CDH13: variants seen among roughly 807,000 people sequenced by gnomAD.
The protein encoded by CDH13 is cadherin 13, also known as cadherin-13.
Under a neutral mutation model 63.8 loss-of-function variants are expected in CDH13, and 24 were observed. The ratio of observed to expected loss-of-function variants is 0.38; its 90% CI spans 0.27 to 0.53. The LOEUF is 0.53. CDH13 is among the 20% of genes least tolerant of loss of function. CDH13 has a pLI of 0.85. For synonymous variants in CDH13, 503 were observed against 355.3 expected (o/e 1.42, Z -4.67); for missense variants, 1,049 against 903.1 (o/e 1.16, Z -2.07).
At chr16:83,652,549 GAAAGAGACAAGGCTCTCA>G (rs1567484352) in intron 8 of CDH13, among the ~76,000 whole-genome samples, 1 of 152,130 alleles carries the variant, frequency 6.6e-6, no homozygotes, top group African/African-American at 2.4e-5. Flanking sequence ...CAAAGGTTTT[GAAAGAGACAAGGCTCTCA>G]TTGTACCCCC....
intron 13 of CDH13, among the ~76,000 whole-genome samples, chr16:83,784,360 G>A (rs950077618): frequency 5.3e-5 from 8 of 152,090 alleles, no homozygotes; most frequent in African/African-American, 1.2e-4. Context: ...GGCCAGGCAC[G>A]GTGGCTCACA....
chr16:82,844,225 C>G (rs1198116938), intron 1 of CDH13, among the ~76,000 whole-genome samples: 1 of 152,094 alleles, frequency 6.6e-6, no homozygotes, highest in East Asian at 1.9e-4. Flanking sequence ...TGAGAAGAGG[C>G]CATGCTGCTG....
chr16:82,880,480 G>A (rs912277397), intron 2 of CDH13, among the ~76,000 whole-genome samples: 46 of 152,132 alleles, frequency 3.0e-4, no homozygotes, highest in African/African-American at 1.1e-3. Flanking sequence ...GGGGGCATTT[G>A]CTCTGTTATT....
chr16:82,959,014 A>G (rs907308537), intron 2 of CDH13, among the ~76,000 whole-genome samples: 1 of 152,228 alleles, frequency 6.6e-6, no homozygotes, highest in Admixed American at 6.5e-5. Context: ...TGAAATCTAC[A>G]TCAGACAGTA....
chr16:83,190,697 C>G (rs1205338642), intron 4 of CDH13, among the ~76,000 whole-genome samples: 1 of 152,136 alleles, frequency 6.6e-6, no homozygotes, highest in African/African-American at 2.4e-5. Context: ...AATACTCTGT[C>G]TCTTGAATTG....
intron 2 of CDH13, among the ~76,000 whole-genome samples, chr16:82,890,840 CAG>C (rs1460646365): frequency 2.0e-5 from 3 of 151,820 alleles, no homozygotes; most frequent in African/African-American, 7.3e-5. Flanking sequence ...TTAGTGGAGA[CAG>C]CATTTTACCG....
intron 2 of CDH13, among the ~76,000 whole-genome samples, chr16:82,913,107 G>C (rs2041883489): frequency 6.6e-6 from 1 of 152,276 alleles, no homozygotes; most frequent in Admixed American, 6.5e-5. Context: ...CTGAGTAAGT[G>C]TTGGTTTAAG....
At chr16:82,864,137 G>T (rs983541640) in intron 2 of CDH13, among the ~76,000 whole-genome samples, 3 of 152,182 alleles carry the variant, frequency 2.0e-5, no homozygotes, top group African/African-American at 7.2e-5. Context: ...TGATCTAAGG[G>T]ATTAGGTTGA....
At chr16:83,170,448 T>G (rs1037705136) in intron 4 of CDH13, among the ~76,000 whole-genome samples, 1 of 152,040 alleles carries the variant, frequency 6.6e-6, no homozygotes, top group Admixed American at 6.6e-5. Context: ...AGCTTCCAGT[T>G]TTCCAGTCAA....
chr16:82,876,409 A>G (rs527968683), intron 2 of CDH13, among the ~76,000 whole-genome samples: 5 of 152,352 alleles, frequency 3.3e-5, no homozygotes, highest in African/African-American at 1.2e-4. Context: ...TTGAAAGAAC[A>G]TGCAACCCAC....
chr16:83,570,822 A>T, intron 7 of CDH13, among the ~76,000 whole-genome samples: 2 of 120,082 alleles, frequency 1.7e-5, no homozygotes. Flanking sequence ...ATTTATAAAT[A>T]TAAATAAAAA....
At chr16:83,408,461 G>A (rs1398195302) in intron 6 of CDH13, among the ~76,000 whole-genome samples, 2 of 152,128 alleles carry the variant, frequency 1.3e-5, no homozygotes, top group East Asian at 1.9e-4. Context: ...CTACAAACCT[G>A]TACGGCTGTT....
chr16:82,880,220 A>C (rs1389064158), intron 2 of CDH13, among the ~76,000 whole-genome samples: 1 of 152,022 alleles, frequency 6.6e-6, no homozygotes. Flanking sequence ...TTTGCTTCTC[A>C]AGTGCAGCGT....
chr16:83,706,534 G>C (rs1310281252), intron 10 of CDH13, among the ~76,000 whole-genome samples: 1 of 152,202 alleles, frequency 6.6e-6, no homozygotes, highest in East Asian at 1.9e-4. Flanking sequence ...TTGCTCATTA[G>C]CTCTGTGGCA....
chr16:83,609,708 A>G (rs536113360), intron 8 of CDH13, among the ~76,000 whole-genome samples: 1 of 152,344 alleles, frequency 6.6e-6, no homozygotes, highest in African/African-American at 2.4e-5. Context: ...TTTTTTACTA[A>G]CAGCTTTATT....
intron 1 of CDH13, among the ~76,000 whole-genome samples, chr16:82,710,459 G>T (rs2031825359): frequency 7.1e-6 from 1 of 140,100 alleles, no homozygotes; most frequent in Non-Finnish European, 1.5e-5. Context: ...GTGAACCCAG[G>T]AGGGCGGAGC....
rs142935897 is a variant in CDH13 at position 82,725,246 on chromosome 16, T to C, written c.45+98109T>C. The stretch of plus-strand genomic sequence containing the variant: ...TCATTGCAAATAACGTACATATGTC[T>C]CTTTCCCCATACTCGTTATTGTCTC... On this transcript the variant is annotated intron_variant, in intron 1 of 13. Coordinates refer to ENST00000567109, the MANE Select transcript of CDH13 (RefSeq NM_001257.5). Among the ~76,000 whole-genome samples, 44 of 152,320 alleles carry C rather than the reference T, an allele frequency of 2.9e-4. No homozygotes were observed. The East Asian group carries it at 4.5e-3, about 15-fold the overall frequency.
chr16:83,760,608 T>G (rs1284693109), intron 11 of CDH13, among the ~76,000 whole-genome samples: 1 of 152,240 alleles, frequency 6.6e-6, no homozygotes. Context: ...GCTAAATGAC[T>G]GCATTTATAT....
At chr16:83,679,949 G>T (rs990370035) in intron 10 of CDH13, among the ~76,000 whole-genome samples, 1 of 152,172 alleles carries the variant, frequency 6.6e-6, no homozygotes, top group Non-Finnish European at 1.5e-5. Flanking sequence ...GAGGTGTCTG[G>T]GACCCAGGAC....
Sources: allele counts gnomAD v4.1 joint callset (sites outside exome capture counted in the v4.1 genomes callset), GRCh38; gene constraint gnomAD v4.1.1; transcripts MANE v1.5; gene names NCBI Gene and HGNC (gene_info 2026-07-23, HGNC 2026-07-21).